Variants in MYO9A observed in about 807,000 individuals in gnomAD.
The protein encoded by MYO9A is unconventional myosin-IXa.
MYO9A carries 103 observed loss-of-function variants against 293.3 expected under a neutral mutation model. The observed-to-expected ratio is 0.35, with a 90% CI of 0.30 to 0.41. The LOEUF is 0.41. Ranked by LOEUF, MYO9A falls within the 10% of genes least tolerant of loss-of-function variation. MYO9A has a pLI of 1.00. For synonymous variants in MYO9A, 1,001 were observed against 1,035.7 expected (o/e 0.97, Z 0.64); for missense variants, 2,685 against 3,033.0 (o/e 0.89, Z 2.69).
chr15:72,046,582 A>G lies in MYO9A; in HGVS notation c.-19T>C. The G allele has an allele frequency of 6.4e-7, 1 of 1,556,852 alleles. No homozygotes were observed. Among genetic ancestry groups the G allele is most frequent in the Non-Finnish European group, 8.7e-7 (1 of 1,153,198 alleles). On this transcript the variant is annotated 5_prime_UTR_variant, in exon 2 of 42. It removes the in-frame stop codon of an upstream open reading frame in the 5' UTR. Coordinates refer to ENST00000356056, the MANE Select transcript of MYO9A (RefSeq NM_006901.4). ...TATTCATATTGGATCCTGTCCCATC[A>G]GCATGGATAGTATATGTTCAAAGTC...
intron 6 of MYO9A, among the ~76,000 whole-genome samples, chr15:72,014,090 A>G (rs1034333401): frequency 1.3e-5 from 2 of 152,226 alleles, no homozygotes; most frequent in African/African-American, 4.8e-5. Flanking sequence ...TACAAGCATG[A>G]GACACTGTCC....
At chr15:71,952,412 C>T (rs761785361) in intron 14 of MYO9A, among the ~76,000 whole-genome samples, 11 of 152,138 alleles carry the variant, frequency 7.2e-5, no homozygotes, top group Non-Finnish European at 8.8e-5. Context: ...AGCAGGAAAG[C>T]CCAGCAGCAC....
chr15:72,026,594 C>G (rs2077681479), intron 4 of MYO9A, among the ~76,000 whole-genome samples: 1 of 150,850 alleles, frequency 6.6e-6, no homozygotes, highest in Non-Finnish European at 1.5e-5. Flanking sequence ...TAATAAGCAT[C>G]AGAGCAGAAA....
intron 2 of MYO9A, among the ~76,000 whole-genome samples, chr15:72,035,407 G>A (rs1015571209): frequency 2.6e-5 from 4 of 152,126 alleles, no homozygotes; most frequent in East Asian, 1.9e-4. Context: ...AACAAACTGT[G>A]ATTCATCTAA....
chr15:72,116,540 G>T (rs1002473466), intron 1 of MYO9A, among the ~76,000 whole-genome samples: 10 of 152,140 alleles, frequency 6.6e-5, no homozygotes, highest in African/African-American at 2.4e-4. Flanking sequence ...CCAGGCAACA[G>T]AAGTTTATTA....
chr15:71,889,690 G>T (rs1227341235), intron 26 of MYO9A: 2 of 151,710 alleles, frequency 1.3e-5, no homozygotes, highest in Non-Finnish European at 2.9e-5. Context: ...TAAGAAAAAA[G>T]GGTTTACCAA....
chr15:71,863,225 C>A (rs140860617), intron 32 of MYO9A, among the ~76,000 whole-genome samples: 5 of 151,856 alleles, frequency 3.3e-5, no homozygotes, highest in Non-Finnish European at 7.4e-5. Context: ...TGAACCACTG[C>A]GCCTGGCTAA....
intron 28 of MYO9A, 127 bp downstream of exon 28, chr15:71,883,467 G>A: frequency 1.0e-6 from 1 of 982,120 alleles, no homozygotes; most frequent in Non-Finnish European, 1.5e-6. Context: ...ATTTAACAAT[G>A]CTGGTCCTAT....
intron 26 of MYO9A, chr15:71,891,678 C>T (rs958190458): frequency 6.6e-6 from 1 of 152,118 alleles, no homozygotes; most frequent in African/African-American, 2.4e-5. Flanking sequence ...TTTCTATAAT[C>T]CTACAGTTCG....
chr15:71,910,488 C>T (rs920577548), intron 19 of MYO9A, among the ~76,000 whole-genome samples: 6 of 151,964 alleles, frequency 3.9e-5, no homozygotes, highest in Non-Finnish European at 8.8e-5. Context: ...ATGAGTATTT[C>T]GTTGTTTCCA....
At chr15:71,848,713 T>C in intron 39 of MYO9A, 132 bp downstream of exon 39, 1 of 1,040,496 alleles carries the variant, frequency 9.6e-7, no homozygotes, top group Non-Finnish European at 1.3e-6. Flanking sequence ...CATAGCACCT[T>C]GAGATTTGGT....
intron 1 of MYO9A, among the ~76,000 whole-genome samples, chr15:72,111,518 G>T (rs1269270623): frequency 2.0e-5 from 3 of 151,582 alleles, no homozygotes; most frequent in Non-Finnish European, 1.5e-5. Context: ...AATAAAACAG[G>T]AAATAGACGT....
chr15:71,875,560 T>C (rs535251282), intron 32 of MYO9A, among the ~76,000 whole-genome samples: 1 of 152,174 alleles, frequency 6.6e-6, no homozygotes. Context: ...TAATATTTTT[T>C]CTTTCATGAG....
rs1435794575 is a variant in MYO9A, at chr15:72,117,885, C to G, written c.-277G>C. 2 of 398,252 alleles carry G rather than the reference C, an allele frequency of 5.0e-6. No individual in the cohort carries two copies. The highest frequency in any genetic ancestry group is 8.9e-6 in the Non-Finnish European group (2 of 225,816). 24.7% of individuals were successfully genotyped at this position (398,252 alleles called of 1,614,324 possible). ...CCCGCCCTGTCAGAGAGACTCCGCCCGGCCTGAGCAGGCACATCCCCCGCC... is the reference window on the plus strand; with the variant it reads ...CCCGCCCTGTCAGAGAGACTCCGCCGGGCCTGAGCAGGCACATCCCCCGCC... On this transcript the variant is annotated 5_prime_UTR_variant, in exon 1 of 42. Coordinates refer to ENST00000356056, the MANE Select transcript of MYO9A (RefSeq NM_006901.4).
At chr15:72,050,675 T>C (rs1360397250) in intron 1 of MYO9A, among the ~76,000 whole-genome samples, 1 of 152,124 alleles carries the variant, frequency 6.6e-6, no homozygotes, top group African/African-American at 2.4e-5. Flanking sequence ...ATTACCAGGC[T>C]CAACAATAGT....
At chr15:71,904,611 C>T (rs1313844815) in intron 20 of MYO9A, among the ~76,000 whole-genome samples, 1 of 152,184 alleles carries the variant, frequency 6.6e-6, no homozygotes, top group Non-Finnish European at 1.5e-5. Context: ...TGAGATCATG[C>T]CACTGCACTC....
intron 40 of MYO9A, among the ~76,000 whole-genome samples, chr15:71,828,612 C>G (rs1165578111): frequency 6.6e-6 from 1 of 152,168 alleles, no homozygotes; most frequent in East Asian, 1.9e-4. Flanking sequence ...CTCCCTTCTT[C>G]ATCACGGTCA....
rs1479784082 is a variant in MYO9A at position 71,824,924 on chromosome 15, A to G, written c.*1656T>C. 6.6e-6 allele frequency: 1 copy of G among 152,144 alleles called. No individual in the cohort carries two copies. The highest frequency in any genetic ancestry group is 2.4e-5 in the African/African-American group (1 of 41,462). The allele number at this position is 152,144 out of a possible 1,614,324, so 9.4% of individuals were successfully genotyped here. On this transcript the variant is annotated 3_prime_UTR_variant, in exon 42 of 42. Coordinates refer to ENST00000356056, the MANE Select transcript of MYO9A (RefSeq NM_006901.4). ...TTCAGTGTTGTGTAACAGGAGAGAG[A>G]GACTCTGCCTTAACAAAAGACTTAA...
chr15:71,995,475 C>G (rs1166589338), intron 9 of MYO9A, among the ~76,000 whole-genome samples: 1 of 151,486 alleles, frequency 6.6e-6, no homozygotes, highest in Non-Finnish European at 1.5e-5. Flanking sequence ...TATGAAAATT[C>G]TCAATACTAT....
Sources: allele counts gnomAD v4.1 joint callset (sites outside exome capture counted in the v4.1 genomes callset), GRCh38; gene constraint gnomAD v4.1.1; transcripts MANE v1.5; gene names NCBI Gene and HGNC (gene_info 2026-07-23, HGNC 2026-07-21).